Variants in RSF1 observed in about 807,000 individuals in gnomAD.
RSF1 encodes the protein remodeling and spacing factor 1, also known as HBV pX-associated protein 8.
In RSF1, 13 loss-of-function variants were observed where a neutral mutation model predicts 145.2. The ratio of observed to expected loss-of-function variants is 0.09; its 90% CI spans 0.06 to 0.14. The LOEUF is 0.14. RSF1 is among the 10% of genes least tolerant of loss of function. The pLI, the probability that RSF1 is intolerant of heterozygous loss-of-function variation, is 1.00. For missense variants in RSF1, 1,517 were observed against 1,718.2 expected (o/e 0.88, Z 2.07); for synonymous variants, 577 against 592.6 (o/e 0.97, Z 0.38).
rs1179215139 is a variant in RSF1 at position 77,665,887 on chromosome 11, A to T, written c.*1030T>A. The T allele has an allele frequency of 6.6e-6, 1 of 152,236 alleles. No individual in the cohort carries two copies. The highest frequency in any genetic ancestry group is 1.5e-5 in the Non-Finnish European group (1 of 68,044). The allele number at this position is 152,236 out of a possible 1,614,324, so 9.4% of individuals were successfully genotyped here. A position where few individuals can be genotyped will look rare whatever the true frequency, so the allele number is the denominator to read the frequency against. The stretch of plus-strand genomic sequence containing the variant: ...TAGATACTAAGGGCAAGAATAGACC[A>T]GTTAAAATTCACCTGAAAATCTCTT... On this transcript the variant is annotated 3_prime_UTR_variant, in exon 16 of 16. Coordinates refer to ENST00000308488, the MANE Select transcript of RSF1 (RefSeq NM_016578.4).
At chr11:77,810,672 T>C (rs543322038) in intron 1 of RSF1, among the ~76,000 whole-genome samples, 14 of 152,274 alleles carry the variant, frequency 9.2e-5, no homozygotes, top group Middle Eastern at 6.8e-3. Flanking sequence ...GCAATTGTTG[T>C]GTGGCAGCCT....
rs1959356786 is a variant in RSF1 at position 77,666,115 on chromosome 11, C to T, written c.*802G>A. 1 of 152,222 alleles carries T rather than the reference C, an allele frequency of 6.6e-6. No individual in the cohort carries two copies. The highest frequency in any genetic ancestry group is 1.5e-5 in the Non-Finnish European group (1 of 68,040). 9.4% of individuals were successfully genotyped at this position (152,222 alleles called of 1,614,324 possible). A position where few individuals can be genotyped will look rare whatever the true frequency, so the allele number is the denominator to read the frequency against. ...ATTCATTTCACTAATAACTCTCCAT[C>T]AGACACAATATATTTGAGGCCACCT... On this transcript the variant is annotated 3_prime_UTR_variant, in exon 16 of 16. Transcript: ENST00000308488.
intron 11 of RSF1, among the ~76,000 whole-genome samples, chr11:77,681,659 A>G (rs192334408): frequency 4.6e-5 from 7 of 152,342 alleles, no homozygotes; most frequent in African/African-American, 1.7e-4. Flanking sequence ...TTGCCCAGGA[A>G]TCTACAAAAC....
chr11:77,735,098 G>A, intron 4 of RSF1: 1 of 868,520 alleles, frequency 1.2e-6, no homozygotes, highest in Non-Finnish European at 1.9e-6. Context: ...GGGGCCTTGG[G>A]GCGGTCTGAG....
At chr11:77,797,072 T>C (rs1948579389) in intron 1 of RSF1, among the ~76,000 whole-genome samples, 1 of 152,184 alleles carries the variant, frequency 6.6e-6, no homozygotes, top group South Asian at 2.1e-4. Flanking sequence ...ACCGTGAAAA[T>C]GGCCATACTG....
At chr11:77,711,143 TAA>T (rs60863404) in intron 5 of RSF1, among the ~76,000 whole-genome samples, 202 of 134,444 alleles carry the variant, frequency 1.5e-3, no homozygotes, top group African/African-American at 2.3e-3. Context: ...ATTTTTAACT[TAA>T]AAAAAAAAAA....
chr11:77,795,226 T>C lies in RSF1; in HGVS notation c.187+25302A>G, dbSNP rs1948560628. On this transcript the variant is annotated intron_variant, in intron 1 of 15. Coordinates refer to ENST00000308488, the MANE Select transcript of RSF1 (RefSeq NM_016578.4). Reference sequence around the variant, plus strand: ...CAAAAACAAATGGAAAGACATCACATGTTCATTGATTAAAAGAATATCAAT... The same window carrying C: ...CAAAAACAAATGGAAAGACATCACACGTTCATTGATTAAAAGAATATCAAT... Among the ~76,000 whole-genome samples the C allele has an allele frequency of 2.0e-5, 3 of 152,180 alleles. No individual in the cohort carries two copies. In the South Asian group the frequency reaches 6.2e-4, roughly 31 times the overall value.
chr11:77,744,443 T>A (rs1348180985), intron 3 of RSF1, among the ~76,000 whole-genome samples: 1 of 152,134 alleles, frequency 6.6e-6, no homozygotes, highest in Non-Finnish European at 1.5e-5. Flanking sequence ...GGTCTACAGG[T>A]ACACGCCACA....
At chr11:77,680,863 T>C (rs1590826310) in intron 11 of RSF1, among the ~76,000 whole-genome samples, 1 of 152,320 alleles carries the variant, frequency 6.6e-6, no homozygotes, top group African/African-American at 2.4e-5. Flanking sequence ...CAGATACATA[T>C]AAAGCCAGAT....
rs1959272471 is a variant in RSF1, at chr11:77,663,118, C to G, written c.*3799G>C. 6.6e-6 allele frequency: 1 copy of G among 152,150 alleles called. No homozygotes were observed. Among genetic ancestry groups the G allele is most frequent in the Non-Finnish European group, 1.5e-5 (1 of 68,030 alleles). The allele number at this position is 152,150 out of a possible 1,614,324, so 9.4% of individuals were successfully genotyped here. A position where few individuals can be genotyped will look rare whatever the true frequency, so the allele number is the denominator to read the frequency against. ...CATCACCTTGAATAACGGGCCTGTT[C>G]CACTGTACTGGTAAAGAGCGGAGTT... On this transcript the variant is annotated 3_prime_UTR_variant, in exon 16 of 16. Transcript: ENST00000308488.
intron 1 of RSF1, among the ~76,000 whole-genome samples, chr11:77,789,307 A>T (rs1445317598): frequency 6.6e-6 from 1 of 152,142 alleles, no homozygotes; most frequent in East Asian, 1.9e-4. Context: ...CCAGGGAGGG[A>T]GCTTGTCCTG....
chr11:77,690,581 G>A (rs1417384425), intron 9 of RSF1, among the ~76,000 whole-genome samples: 5 of 152,126 alleles, frequency 3.3e-5, no homozygotes, highest in Admixed American at 6.5e-5. Context: ...ACAGGTGTGC[G>A]ACACCATGCC....
At position 77,711,835 on chromosome 11, in the gene RSF1, C is replaced by A. The variant is rs79130037; in HGVS notation, c.734-9340G>T. On this transcript the variant is annotated intron_variant, in intron 5 of 15. Coordinates refer to ENST00000308488, the MANE Select transcript of RSF1 (RefSeq NM_016578.4). Reference sequence around the variant, plus strand: ...AATTTCACCAGTTTTCCTTCAATGTCCTTTTTTATTCCAGGATCCATGTCT... The same window carrying A: ...AATTTCACCAGTTTTCCTTCAATGTACTTTTTTATTCCAGGATCCATGTCT... Among the ~76,000 whole-genome samples the A allele has an allele frequency of 6.7e-3, 1,022 of 152,198 alleles. 1 individual carries two copies. Among genetic ancestry groups the A allele is most frequent in the Non-Finnish European group, 0.01 (685 of 67,988 alleles).
chr11:77,859,088 T>C, the RSF1 span, among the ~76,000 whole-genome samples: 5 of 152,212 alleles, frequency 3.3e-5, no homozygotes, highest in Non-Finnish European at 2.9e-5. Flanking sequence ...ATAATTTCCA[T>C]TGGTTAGCTG....
At chr11:77,793,608 G>A (rs1380031958) in intron 1 of RSF1, among the ~76,000 whole-genome samples, 1 of 152,210 alleles carries the variant, frequency 6.6e-6, no homozygotes, top group Non-Finnish European at 1.5e-5. Flanking sequence ...AAAACCAAAA[G>A]TGAGCAGAAG....
the RSF1 span, among the ~76,000 whole-genome samples, chr11:77,852,643 C>T: frequency 1.3e-5 from 2 of 152,304 alleles, no homozygotes; most frequent in South Asian, 2.1e-4. Context: ...CTATCTCTTC[C>T]ATCACATTCC....
At chr11:77,707,498 T>C (rs916337401) in intron 5 of RSF1, among the ~76,000 whole-genome samples, 34 of 152,228 alleles carry the variant, frequency 2.2e-4, no homozygotes, top group African/African-American at 8.0e-4. Context: ...ATTTAAAATA[T>C]AAGCTAAAAC....
intron 4 of RSF1, chr11:77,734,625 A>C: frequency 2.0e-6 from 3 of 1,514,868 alleles, no homozygotes; most frequent in Non-Finnish European, 2.7e-6. Flanking sequence ...AATGTGTCTC[A>C]ATGAAGTCAC....
At chr11:77,706,579 C>T (rs1279148067) in intron 5 of RSF1, among the ~76,000 whole-genome samples, 1 of 152,094 alleles carries the variant, frequency 6.6e-6, no homozygotes, top group Non-Finnish European at 1.5e-5. Context: ...CCAAAGCTGC[C>T]ATCACTTTTT....
Sources: allele counts gnomAD v4.1 joint callset (sites outside exome capture counted in the v4.1 genomes callset), GRCh38; gene constraint gnomAD v4.1.1; transcripts MANE v1.5; gene names NCBI Gene and HGNC (gene_info 2026-07-23, HGNC 2026-07-21).